The following GCNT1 variants were observed in gnomAD, a reference collection of about 807,000 sequenced individuals.
The protein encoded by GCNT1 is glucosaminyl (N-acetyl) transferase 1.
Under a neutral mutation model 26.2 loss-of-function variants are expected in GCNT1, and 16 were observed. The observed-to-expected ratio is 0.61, with a 90% confidence interval of 0.41 to 0.93. GCNT1 has a LOEUF of 0.93. Among genes scored for constraint, GCNT1 ranks in the 40% least tolerant of loss-of-function variants. The pLI, the probability that GCNT1 is intolerant of heterozygous loss-of-function variation, is 0.00. For missense variants in GCNT1, 477 were observed against 526.7 expected (o/e 0.91, Z 0.92); for synonymous variants, 183 against 190.8 (o/e 0.96, Z 0.34).
intron 2 of GCNT1, among the ~76,000 whole-genome samples, chr9:76,492,340 A>G (rs1824765710): frequency 6.6e-6 from 1 of 152,132 alleles, no homozygotes; most frequent in African/African-American, 2.4e-5. Context: ...GCATAACAAG[A>G]AAGGCATGTG....
chr9:76,426,217 G>C (rs1244271789), intron 1 of GCNT1, among the ~76,000 whole-genome samples: 2 of 152,152 alleles, frequency 1.3e-5, no homozygotes, highest in African/African-American at 2.4e-5. Context: ...AATGAACAAG[G>C]ACAGCTTGGA....
intron 1 of GCNT1, among the ~76,000 whole-genome samples, chr9:76,435,358 A>C (rs921258345): frequency 2.0e-5 from 3 of 152,134 alleles, no homozygotes; most frequent in African/African-American, 4.8e-5. Flanking sequence ...AAATAGAAAG[A>C]GCCTACGTTG....
At chr9:76,495,848 A>T (rs1564245705) in intron 2 of GCNT1, among the ~76,000 whole-genome samples, 1 of 152,156 alleles carries the variant, frequency 6.6e-6, no homozygotes, top group Non-Finnish European at 1.5e-5. Flanking sequence ...CCTCATTAAT[A>T]TTTTTTTAAC....
chr9:76,419,464 G>A (rs1823162833), upstream of GCNT1, among the ~76,000 whole-genome samples: 1 of 152,168 alleles, frequency 6.6e-6, no homozygotes, highest in African/African-American at 2.4e-5. Flanking sequence ...GACCCCAGGG[G>A]TTCAAGACCA....
intron 2 of GCNT1, among the ~76,000 whole-genome samples, chr9:76,478,152 A>G (rs944276389): frequency 1.2e-4 from 18 of 152,258 alleles, no homozygotes; most frequent in African/African-American, 4.1e-4. Flanking sequence ...TGGCCATCCC[A>G]GCGAGTAGCG....
intron 2 of GCNT1, among the ~76,000 whole-genome samples, chr9:76,477,959 A>G (rs1294278705): frequency 2.0e-5 from 3 of 152,176 alleles, no homozygotes; most frequent in Non-Finnish European, 4.4e-5. Flanking sequence ...TTGTAAATGC[A>G]CCGATCAGCG....
At chr9:76,466,433 C>T (rs1381118222) in intron 2 of GCNT1, among the ~76,000 whole-genome samples, 1 of 152,186 alleles carries the variant, frequency 6.6e-6, no homozygotes, top group Non-Finnish European at 1.5e-5. Context: ...CTTCAAGTAG[C>T]ACCAAGGGTG....
chr9:76,395,642 A>G, the GCNT1 span, among the ~76,000 whole-genome samples: 3 of 152,138 alleles, frequency 2.0e-5, no homozygotes, highest in Non-Finnish European at 4.4e-5. Flanking sequence ...GGAAAGGGGA[A>G]GGGAAAGTGA....
At chr9:76,478,154 C>G (rs750469722) in intron 2 of GCNT1, among the ~76,000 whole-genome samples, 1 of 152,202 alleles carries the variant, frequency 6.6e-6, no homozygotes, top group African/African-American at 2.4e-5. Flanking sequence ...GCCATCCCAG[C>G]GAGTAGCGGC....
chr9:76,398,318 G>T, the GCNT1 span, among the ~76,000 whole-genome samples: 1 of 152,210 alleles, frequency 6.6e-6, no homozygotes, highest in Non-Finnish European at 1.5e-5. Flanking sequence ...ATGAAAAGAT[G>T]TTCAACATCA....
chr9:76,403,995 G>A, the GCNT1 span, among the ~76,000 whole-genome samples: 3 of 152,320 alleles, frequency 2.0e-5, no homozygotes, highest in South Asian at 4.1e-4. Flanking sequence ...GAGTAAATAT[G>A]TCTGAGATTC....
At chr9:76,445,608 G>A (rs1160102835) in intron 1 of GCNT1, among the ~76,000 whole-genome samples, 1 of 150,710 alleles carries the variant, frequency 6.6e-6, no homozygotes, top group South Asian at 2.1e-4. Flanking sequence ...GGCCAGGCTG[G>A]TCTCGAACTC....
the GCNT1 span, among the ~76,000 whole-genome samples, chr9:76,396,815 G>A: frequency 6.6e-6 from 1 of 152,186 alleles, no homozygotes; most frequent in Non-Finnish European, 1.5e-5. Context: ...CTCCATATGG[G>A]GCAACAGAGC....
intron 2 of GCNT1, among the ~76,000 whole-genome samples, chr9:76,492,233 G>T (rs1349420598): frequency 6.6e-6 from 1 of 152,088 alleles, no homozygotes; most frequent in Non-Finnish European, 1.5e-5. Context: ...CTCAAGCAGC[G>T]GACAACAAAT....
intron 2 of GCNT1, among the ~76,000 whole-genome samples, chr9:76,477,310 G>A (rs62565112): frequency 0.25 from 37,306 of 151,286 alleles, 4,828 homozygotes; most frequent in East Asian, 0.31. Context: ...GGTGGATCAC[G>A]AGGTCAGGAG....
At chr9:76,398,497 A>C in the GCNT1 span, among the ~76,000 whole-genome samples, 1 of 152,274 alleles carries the variant, frequency 6.6e-6, no homozygotes, top group Non-Finnish European at 1.5e-5. Flanking sequence ...GCCCCTTGGA[A>C]GATAATATGG....
Position 76,503,436 on chromosome 9 carries a change from G to A in GCNT1, c.1055G>A (p.Arg352Lys). 1 of 1,614,146 alleles carries A rather than the reference G, an allele frequency of 6.2e-7. No homozygotes were observed. Among genetic ancestry groups the A allele is most frequent in the Non-Finnish European group, 8.5e-7 (1 of 1,180,002 alleles). Residue 352 changes from arginine to lysine, a missense_variant, in exon 4 of 4, where the codon AGG becomes AAG. Physicochemically the swap from Arg to Lys is conservative, Grantham distance 26. Coordinates refer to ENST00000376730, the MANE Select transcript of GCNT1 (RefSeq NM_001490.5). ...YDLSDMQAVARFVKWQYFEGD... is the reference protein window; with the variant it reads ...YDLSDMQAVAKFVKWQYFEGD... The stretch of plus-strand genomic sequence containing the variant: ...CTGTCTGACATGCAAGCAGTTGCCA[G>A]GTTTGTCAAGTGGCAGTACTTTGAG...
At chr9:76,421,304 A>T (rs2131570368) in intron 1 of GCNT1, among the ~76,000 whole-genome samples, 1 of 152,250 alleles carries the variant, frequency 6.6e-6, no homozygotes, top group Non-Finnish European at 1.5e-5. Flanking sequence ...GATTTTTACA[A>T]ATAAGTAAAT....
intron 1 of GCNT1, among the ~76,000 whole-genome samples, chr9:76,451,205 G>C (rs750939206): frequency 1.3e-4 from 20 of 152,102 alleles, no homozygotes; most frequent in Non-Finnish European, 2.6e-4. Flanking sequence ...TGTAGCATTT[G>C]TCAAAATAAA....
Sources: allele counts gnomAD v4.1 joint callset (sites outside exome capture counted in the v4.1 genomes callset), GRCh38; gene constraint gnomAD v4.1.1; transcripts MANE v1.5; gene names NCBI Gene and HGNC (gene_info 2026-07-23, HGNC 2026-07-21).